MAP1B: variants seen among roughly 807,000 people sequenced by gnomAD.
MAP1B encodes the protein microtubule associated protein 1B.
Under a neutral mutation model 176.1 loss-of-function variants are expected in MAP1B, and 12 were observed. The observed-to-expected ratio is 0.07, with a 90% CI of 0.04 to 0.11. The LOEUF (loss-of-function observed/expected upper bound fraction) is 0.11, where lower values mean the gene tolerates loss of function less well. Ranked by LOEUF, MAP1B falls within the 10% of genes least tolerant of loss-of-function variation. MAP1B has a pLI of 1.00. For missense variants in MAP1B, 2,523 were observed against 2,990.5 expected (o/e 0.84, Z 3.65); for synonymous variants, 1,044 against 1,135.0 (o/e 0.92, Z 1.61).
intron 2 of MAP1B, among the ~76,000 whole-genome samples, chr5:72,166,510 A>G (rs1484300599): frequency 6.6e-6 from 1 of 152,140 alleles, no homozygotes; most frequent in East Asian, 1.9e-4. Flanking sequence ...TTCACTCCCT[A>G]GAGAGGTCGA....
chr5:72,173,674 C>G (rs1187931098), intron 2 of MAP1B, among the ~76,000 whole-genome samples: 2 of 152,210 alleles, frequency 1.3e-5, no homozygotes, highest in Non-Finnish European at 2.9e-5. Context: ...ATCCATATCT[C>G]AAATGCTGGG....
chr5:72,195,726 G>C lies in MAP1B; in HGVS notation c.2371G>C (p.Ala791Pro), dbSNP rs1306226865. The change falls in exon 5 of 7, where the codon GCC becomes CCC. Residue 791 changes from alanine to proline, a missense_variant. Transcript: ENST00000296755. ...AAAAGTCATTAAGAAGGAAGGCAAG[G>C]CCGCAGAGGCTGTCGCTGCAGCTGT... ...KIKVIKKEGK[A>P]AEAVAAAVGT... is the part of the protein sequence containing the mutation. The C allele has an allele frequency of 1.9e-6, 3 of 1,614,236 alleles. No homozygotes were observed. The highest frequency in any genetic ancestry group is 1.3e-5 in the African/African-American group (1 of 75,068).
At chr5:72,159,746 A>T (rs1292765328) in intron 2 of MAP1B, among the ~76,000 whole-genome samples, 1 of 152,240 alleles carries the variant, frequency 6.6e-6, no homozygotes, top group Non-Finnish European at 1.5e-5. Flanking sequence ...TTCAGTGAAG[A>T]TTTCAGAGGC....
At chr5:72,178,277 A>T (rs1746691488) in intron 2 of MAP1B, among the ~76,000 whole-genome samples, 1 of 152,238 alleles carries the variant, frequency 6.6e-6, no homozygotes, top group African/African-American at 2.4e-5. Context: ...TCCTGGGATT[A>T]CAGGCATGAG....
At chr5:72,182,358 A>G (rs995895165) in intron 2 of MAP1B, among the ~76,000 whole-genome samples, 14 of 152,126 alleles carry the variant, frequency 9.2e-5, no homozygotes, top group Admixed American at 8.5e-4. Flanking sequence ...GGCTTATTTC[A>G]TTTAGCATAA....
Position 72,197,576 on chromosome 5 carries a change from G to A in MAP1B, c.4221G>A (p.Glu1407=), listed in dbSNP as rs1391880388. The A allele has an allele frequency of 6.2e-7, 1 of 1,614,206 alleles. No homozygotes were observed. Among genetic ancestry groups the A allele is most frequent in the Non-Finnish European group, 8.5e-7 (1 of 1,180,046 alleles). The change falls in exon 5 of 7, where the codon GAG becomes GAA. Residue 1407 remains glutamate, a synonymous_variant. Coordinates refer to ENST00000296755, the MANE Select transcript of MAP1B (RefSeq NM_005909.5). Reference sequence around the variant, plus strand: ...GCAGCCCGCCCCTCATTGGATCCGAGTCTGCTTATGAAAGTTTTCTAAGTG... The same window carrying A: ...GCAGCCCGCCCCTCATTGGATCCGAATCTGCTTATGAAAGTTTTCTAAGTG... The part of the protein sequence containing the change: ...PLRSPPLIGS[E]SAYESFLSAD...
intron 2 of MAP1B, among the ~76,000 whole-genome samples, chr5:72,119,533 T>A (rs927714906): frequency 6.6e-6 from 1 of 152,208 alleles, no homozygotes; most frequent in Middle Eastern, 3.2e-3. Flanking sequence ...TGAAACAGTC[T>A]TAGCTATGTC....
Position 72,186,752 on chromosome 5 carries a change from G to C in MAP1B, c.508G>C (p.Glu170Gln). 1 of 1,614,036 alleles carries C rather than the reference G, an allele frequency of 6.2e-7. No individual in the cohort carries two copies. Among genetic ancestry groups the C allele is most frequent in the Non-Finnish European group, 8.5e-7 (1 of 1,180,026 alleles). Residue 170 changes from glutamate (E) to glutamine (Q), a missense_variant and splice_region_variant, in exon 4 of 7, where the codon GAG becomes CAG. By Grantham distance (29) the Glu-to-Gln change is conservative (BLOSUM62 2). This residue lies in a region of MAP1B where 307 missense variants were observed against 438.4 expected (regional missense o/e 0.70). Coordinates refer to ENST00000296755, the MANE Select transcript of MAP1B (RefSeq NM_005909.5). This position sits in a 1 kb window ranked among gnomAD's most constrained non-coding sequence, Gnocchi z 4.3. ...QNFIEIFTDQ[E>Q]IGELLSTTHP... The stretch of plus-strand genomic sequence containing the variant: ...CTTCATAGAGATTTTCACCGATCAA[G>C]AGGTAGGTTCGTGTCTGAGAATATC...
chr5:72,153,621 G>A (rs1746181887), intron 2 of MAP1B, among the ~76,000 whole-genome samples: 1 of 151,988 alleles, frequency 6.6e-6, no homozygotes, highest in African/African-American at 2.4e-5. Context: ...GGTGGTGGTG[G>A]TGAAGAAGAC....
At chr5:72,110,503 A>T (rs1303364735) in intron 1 of MAP1B, among the ~76,000 whole-genome samples, 1 of 152,220 alleles carries the variant, frequency 6.6e-6, no homozygotes, top group Non-Finnish European at 1.5e-5. Context: ...ACTTAGCAAC[A>T]GAGCAGGCTG....
At position 72,197,287 on chromosome 5, in the gene MAP1B, C is replaced by G. The variant is rs1167628408; in HGVS notation, c.3932C>G (p.Ala1311Gly). The G allele has an allele frequency of 1.9e-6, 3 of 1,614,174 alleles. No homozygotes were observed. In the South Asian group the frequency reaches 3.3e-5, roughly 18 times the overall value. The change falls in exon 5 of 7, where the codon GCT (alanine) becomes GGT (glycine). Residue 1311 changes from alanine to glycine, a missense_variant. Ala to Gly is a moderately conservative substitution (Grantham distance 60). This residue lies in a region of MAP1B where 1,925 missense variants were observed against 2,126.0 expected (regional missense o/e 0.91). Transcript: ENST00000296755. Reference sequence around the variant, plus strand: ...CAAGAAGTAGTTGAAGAACATTGTGCTAGTCCTGAGGACAAGACTCTGGAA... The same window carrying G: ...CAAGAAGTAGTTGAAGAACATTGTGGTAGTCCTGAGGACAAGACTCTGGAA... ...VTQEVVEEHC[A>G]SPEDKTLEVV...
intron 2 of MAP1B, among the ~76,000 whole-genome samples, chr5:72,126,022 A>G (rs1268277895): frequency 6.6e-6 from 1 of 152,226 alleles, no homozygotes; most frequent in Non-Finnish European, 1.5e-5. Flanking sequence ...GAGATTGTGA[A>G]AGTGAAATGT....
intron 2 of MAP1B, among the ~76,000 whole-genome samples, chr5:72,147,789 GTGGTTTGTTGCC>G (rs1371021724): frequency 6.6e-6 from 1 of 152,216 alleles, no homozygotes; most frequent in African/African-American, 2.4e-5. Flanking sequence ...AGTGGGCTTG[GTGGTTTGTTGCC>G]TGGGAAACTT....
At chr5:72,142,506 G>C (rs1443958434) in intron 2 of MAP1B, among the ~76,000 whole-genome samples, 1 of 152,172 alleles carries the variant, frequency 6.6e-6, no homozygotes, top group Admixed American at 6.5e-5. Context: ...GGAGACCGGA[G>C]CTCGCTGAGG....
rs748777788 is a variant in MAP1B, at chr5:72,183,786, G to T, written c.330G>T (p.Val110=). 1.9e-6 allele frequency: 3 copies of T among 1,613,990 alleles called. No homozygotes were observed. The highest frequency in any genetic ancestry group is 1.3e-5 in the African/African-American group (1 of 74,928). The change falls in exon 3 of 7, where the codon GTG becomes GTT. Residue 110 remains valine (V), a synonymous_variant. Coordinates refer to ENST00000296755, the MANE Select transcript of MAP1B (RefSeq NM_005909.5). ...ACCGAAGTGACGTTTTAGAAACAGT[G>T]GTCCTGATCAACCCTTCTGATGAAG... is the stretch of plus-strand genomic sequence containing the variant. ...LHHRSDVLET[V]VLINPSDEAV...
intron 2 of MAP1B, among the ~76,000 whole-genome samples, chr5:72,134,887 G>C (rs1561294880): frequency 6.8e-6 from 1 of 147,944 alleles, no homozygotes; most frequent in African/African-American, 2.5e-5. Flanking sequence ...TTTCGTGATG[G>C]CATTGATCTA....
intron 1 of MAP1B, among the ~76,000 whole-genome samples, chr5:72,108,038 C>G (rs1413733647): frequency 6.6e-6 from 1 of 152,226 alleles, no homozygotes; most frequent in Non-Finnish European, 1.5e-5. Flanking sequence ...AAAGCCGCAA[C>G]CGCAGGAGGC....
chr5:72,114,695 G>A (rs1745402456), intron 1 of MAP1B, among the ~76,000 whole-genome samples: 1 of 152,222 alleles, frequency 6.6e-6, no homozygotes, highest in African/African-American at 2.4e-5. Context: ...CTTCTATGAT[G>A]CTCTCTGGGG....
At chr5:72,174,254 TATAAA>T (rs1297591966) in intron 2 of MAP1B, among the ~76,000 whole-genome samples, 5 of 152,238 alleles carry the variant, frequency 3.3e-5, no homozygotes, top group Non-Finnish European at 7.3e-5. Flanking sequence ...TTTGTCCATC[TATAAA>T]ATAGCAAGAA....
Sources: allele counts gnomAD v4.1 joint callset (sites outside exome capture counted in the v4.1 genomes callset), GRCh38; gene constraint gnomAD v4.1.1; regional missense constraint gnomAD v4.1.1; non-coding constraint Gnocchi (gnomAD v3.1); transcripts MANE v1.5; gene names NCBI Gene and HGNC (gene_info 2026-07-23, HGNC 2026-07-21).